The following ENOX1 variants were observed in gnomAD, a reference collection of about 807,000 sequenced individuals.
ENOX1 encodes the protein ecto-NOX disulfide-thiol exchanger 1.
Under a neutral mutation model 82.5 loss-of-function variants are expected in ENOX1, and 42 were observed. The ratio of observed to expected loss-of-function variants is 0.51; its 90% CI spans 0.40 to 0.66. The LOEUF (loss-of-function observed/expected upper bound fraction) is 0.66. ENOX1 is among the 30% of genes least tolerant of loss of function. The pLI is 0.00. For synonymous variants in ENOX1, 271 were observed against 282.2 expected (o/e 0.96, Z 0.40); for missense variants, 608 against 811.6 (o/e 0.75, Z 3.05).
At chr13:43,593,861 T>C (rs1171925958) in intron 2 of ENOX1, among the ~76,000 whole-genome samples, 2 of 152,208 alleles carry the variant, frequency 1.3e-5, no homozygotes, top group Non-Finnish European at 2.9e-5. Flanking sequence ...AATGGAGTTA[T>C]GAAGCACGCT....
intron 15 of ENOX1, among the ~76,000 whole-genome samples, chr13:43,235,871 C>T (rs1452590437): frequency 6.6e-6 from 1 of 152,150 alleles, no homozygotes; most frequent in Non-Finnish European, 1.5e-5. Context: ...CACCTGGCAA[C>T]CCCACACTGG....
chr13:43,470,300 A>G (rs2057956345), intron 3 of ENOX1, among the ~76,000 whole-genome samples: 1 of 50,476 alleles, frequency 2.0e-5, no homozygotes, highest in African/African-American at 7.4e-5. Context: ...ATATACACAT[A>G]TATATACATA....
chr13:43,234,094 G>A (rs184828171), intron 15 of ENOX1, among the ~76,000 whole-genome samples: 11 of 152,272 alleles, frequency 7.2e-5, no homozygotes, highest in Non-Finnish European at 1.6e-4. Context: ...AGCTTCAGGG[G>A]AGCTCTTTAT....
At chr13:43,485,970 G>A (rs1181100613) in intron 2 of ENOX1, among the ~76,000 whole-genome samples, 2 of 152,156 alleles carry the variant, frequency 1.3e-5, no homozygotes, top group African/African-American at 4.8e-5. Flanking sequence ...CAGCACTTTG[G>A]GAGGCCGAGG....
intron 2 of ENOX1, among the ~76,000 whole-genome samples, chr13:43,606,923 G>A (rs146408818): frequency 3.3e-5 from 5 of 152,180 alleles, no homozygotes; most frequent in South Asian, 2.1e-4. Context: ...GGGGAGTACC[G>A]CTTGAGCCCA....
At chr13:43,266,912 T>C (rs1265143032) in intron 13 of ENOX1, among the ~76,000 whole-genome samples, 2 of 152,332 alleles carry the variant, frequency 1.3e-5, no homozygotes, top group East Asian at 3.9e-4. Context: ...TGTGAATGTC[T>C]GTTCCACCTT....
At chr13:43,585,198 G>C (rs1018661743) in intron 2 of ENOX1, among the ~76,000 whole-genome samples, 2 of 152,160 alleles carry the variant, frequency 1.3e-5, no homozygotes, top group African/African-American at 2.4e-5. Context: ...ACTGGCAATT[G>C]CAAGTTTTGA....
At chr13:43,294,934 G>T (rs756199208) in intron 12 of ENOX1, among the ~76,000 whole-genome samples, 5 of 152,182 alleles carry the variant, frequency 3.3e-5, no homozygotes, top group Non-Finnish European at 7.3e-5. Flanking sequence ...AGCTATAAGG[G>T]TAGAAAACAG....
At chr13:43,382,435 T>A (rs1161698380) in intron 5 of ENOX1, among the ~76,000 whole-genome samples, 8 of 152,282 alleles carry the variant, frequency 5.3e-5, no homozygotes, top group Non-Finnish European at 7.4e-5. Flanking sequence ...GGCAAGGATA[T>A]CCACTCTATT....
chr13:43,771,889 C>T (rs1259824478), intron 1 of ENOX1, among the ~76,000 whole-genome samples: 2 of 151,594 alleles, frequency 1.3e-5, no homozygotes, highest in Non-Finnish European at 2.9e-5. Context: ...CTCAGCCTCC[C>T]GAGTAGCTGG....
At chr13:43,532,762 G>A (rs985686660) in intron 2 of ENOX1, among the ~76,000 whole-genome samples, 2 of 151,918 alleles carry the variant, frequency 1.3e-5, no homozygotes, top group African/African-American at 4.8e-5. Flanking sequence ...AAAAAGATCT[G>A]CAAAAATGTG....
At chr13:43,511,696 A>C (rs2077374829) in intron 2 of ENOX1, among the ~76,000 whole-genome samples, 1 of 152,262 alleles carries the variant, frequency 6.6e-6, no homozygotes, top group South Asian at 2.1e-4. Context: ...CATTTCACTG[A>C]TTCTTACTCG....
Position 43,786,651 on chromosome 13 carries a change from C to G in ENOX1, c.-285+1G>C, listed in dbSNP as rs1184793296. ...AGGCTGCGGGCCCCGGAGCTGCTTA[C>G]CTGGGGCCGCCGTATGGGGAGCGGA... On this transcript the variant is annotated splice_donor_variant, in intron 1 of 16. Transcript: ENST00000690772. LOFTEE classifies it low-confidence loss of function (5UTR_SPLICE). This position sits in a 1 kb window ranked among gnomAD's most constrained non-coding sequence, Gnocchi z 6.0. 1 of 152,018 alleles carries G rather than the reference C, an allele frequency of 6.6e-6. No homozygotes were observed. Among genetic ancestry groups the G allele is most frequent in the African/African-American group, 2.4e-5 (1 of 41,394 alleles). The allele number at this position is 152,018 out of a possible 1,614,324, so 9.4% of individuals were successfully genotyped here.
intron 2 of ENOX1, among the ~76,000 whole-genome samples, chr13:43,508,846 G>GT (rs1335104748): frequency 6.6e-6 from 1 of 151,974 alleles, no homozygotes; most frequent in Admixed American, 6.6e-5. Flanking sequence ...TCTTTGGGCA[G>GT]TAAGTCTAGA....
intron 5 of ENOX1, among the ~76,000 whole-genome samples, chr13:43,390,961 T>C (rs2052737656): frequency 6.6e-6 from 1 of 152,160 alleles, no homozygotes; most frequent in Non-Finnish European, 1.5e-5. Context: ...ACGAATCCCT[T>C]TTCTTTGTGC....
At chr13:43,707,971 C>T (rs868501116) in intron 1 of ENOX1, among the ~76,000 whole-genome samples, 101 of 152,048 alleles carry the variant, frequency 6.6e-4, no homozygotes, top group Non-Finnish European at 1.2e-3. Context: ...AATGTCAGGA[C>T]ACCATCAGGT....
chr13:43,754,027 C>T (rs1439319612), intron 1 of ENOX1, among the ~76,000 whole-genome samples: 2 of 133,586 alleles, frequency 1.5e-5, no homozygotes, highest in African/African-American at 2.9e-5. Context: ...CATATATATA[C>T]ATATATATGT....
chr13:43,717,358 G>T (rs974884966), intron 1 of ENOX1, among the ~76,000 whole-genome samples: 10 of 152,144 alleles, frequency 6.6e-5, no homozygotes, highest in Non-Finnish European at 1.5e-4. Flanking sequence ...AATGAAACTG[G>T]ACTCCTACCT....
At chr13:43,503,013 G>T (rs998460976) in intron 2 of ENOX1, among the ~76,000 whole-genome samples, 3 of 151,508 alleles carry the variant, frequency 2.0e-5, no homozygotes, top group Non-Finnish European at 4.4e-5. Flanking sequence ...AATAAATTTA[G>T]TAAAGTTACA....
Sources: allele counts gnomAD v4.1 joint callset (sites outside exome capture counted in the v4.1 genomes callset), GRCh38; gene constraint gnomAD v4.1.1; non-coding constraint Gnocchi (gnomAD v3.1); transcripts MANE v1.5; gene names NCBI Gene and HGNC (gene_info 2026-07-23, HGNC 2026-07-21).